Variants in MROH2A observed in about 807,000 individuals in gnomAD.
MROH2A encodes the protein maestro heat-like repeat-containing protein family member 2A.
Under a neutral mutation model 200.4 loss-of-function variants are expected in MROH2A, and 174 were observed. The observed-to-expected ratio is 0.87, with a 90% CI of 0.77 to 0.98. The LOEUF is 0.98. Ranked by LOEUF, MROH2A falls within the 50% of genes least tolerant of loss-of-function variation. The pLI, the probability that MROH2A is intolerant of heterozygous loss-of-function variation, is 0.00. For synonymous variants in MROH2A, 829 were observed against 840.4 expected (o/e 0.99, Z 0.23); for missense variants, 2,045 against 2,139.6 (o/e 0.96, Z 0.87).
At chr2:233,808,098 C>A (rs1385656298) in intron 21 of MROH2A, among the ~76,000 whole-genome samples, 1 of 152,144 alleles carries the variant, frequency 6.6e-6, no homozygotes, top group Non-Finnish European at 1.5e-5. Context: ...AGTCCCAGCC[C>A]CTTGCTACTC....
chr2:233,786,125 A>G (rs571357927), intron 3 of MROH2A, among the ~76,000 whole-genome samples: 2 of 152,072 alleles, frequency 1.3e-5, no homozygotes, highest in Admixed American at 6.6e-5. Context: ...CTTGGCTCTC[A>G]TTCTCTCTTG....
upstream of MROH2A, among the ~76,000 whole-genome samples, chr2:233,776,654 G>A (rs1252915639): frequency 3.3e-5 from 5 of 152,278 alleles, no homozygotes; most frequent in African/African-American, 1.2e-4. Flanking sequence ...TAGATAACAT[G>A]CTCAGGGGCC....
At position 233,831,180 on chromosome 2, in the gene MROH2A, G is replaced by A. The variant is rs530423925; in HGVS notation, c.4603-229G>A. Among the ~76,000 whole-genome samples the A allele has an allele frequency of 3.3e-5, 5 of 152,368 alleles. No individual in the cohort carries two copies. In the East Asian group the frequency reaches 7.7e-4, roughly 24 times the overall value. ...GCACGAAGGTGCTGGCTGAGGGGGC[G>A]GGTGGGGCTGCATCTGCCCCCAAGG... On this transcript the variant is annotated intron_variant, in intron 38 of 41. Coordinates refer to ENST00000389758, the MANE Select transcript of MROH2A (RefSeq NM_001394639.1).
Position 233,799,859 on chromosome 2 carries a change from A to T in MROH2A, c.1409A>T (p.Lys470Met). The T allele has an allele frequency of 6.4e-7, 1 of 1,550,520 alleles. No homozygotes were observed. The highest frequency in any genetic ancestry group is 1.2e-5 in the South Asian group (1 of 84,056). Residue 470 changes from lysine (K) to methionine (M), a missense_variant, in exon 13 of 42, where the codon AAG becomes ATG. This residue lies in a region of MROH2A where 831 missense variants were observed against 800.0 expected (regional missense o/e 1.04). Transcript: ENST00000389758. ...GAGAGAATCAAAGGCTGGGGCCTGAAGTACCTGTCTGTGCAGCTGACCTTA... is the reference window on the plus strand; with the variant it reads ...GAGAGAATCAAAGGCTGGGGCCTGATGTACCTGTCTGTGCAGCTGACCTTA... ...YQERIKGWGLKYLSVQLTLST... is the reference protein window; with the variant it reads ...YQERIKGWGLMYLSVQLTLST...
Position 233,811,613 on chromosome 2 carries a change from T to C in MROH2A, c.2572-267T>C, listed in dbSNP as rs1703159472. Among the ~76,000 whole-genome samples the C allele has an allele frequency of 3.9e-5, 6 of 152,252 alleles. No homozygotes were observed. The South Asian group carries it at 1.2e-3, about 31-fold the overall frequency. ...GGTCTTGTTTTACAGAGAAGGGGAC[T>C]TGGGCTCAGGCAGAGGAAGTGCTGG... On this transcript the variant is annotated intron_variant, in intron 23 of 41. Transcript: ENST00000389758.
chr2:233,779,815 T>C lies in MROH2A; in HGVS notation c.239T>C (p.Val80Ala), dbSNP rs1365442098. Residue 80 changes from valine to alanine, a missense_variant, in exon 3 of 42, where the codon GTG becomes GCG. By Grantham distance (64) the Val-to-Ala change is moderately conservative. Transcript: ENST00000389758. Reference sequence around the variant, plus strand: ...AAGGCCACCACTGAGCCTTCTGTAGTGATAAACACTCTCATCCGCTGCCTG... The same window carrying C: ...AAGGCCACCACTGAGCCTTCTGTAGCGATAAACACTCTCATCCGCTGCCTG... ...MEKATTEPSV[V>A]INTLIRCLQV... The C allele has an allele frequency of 6.4e-7, 1 of 1,550,562 alleles. No individual in the cohort carries two copies. The highest frequency in any genetic ancestry group is 8.7e-7 in the Non-Finnish European group (1 of 1,146,974).
intron 1 of MROH2A, 131 bp downstream of exon 1, chr2:233,778,612 G>A (rs547138850): frequency 6.3e-6 from 1 of 159,678 alleles, no homozygotes; most frequent in Non-Finnish European, 1.5e-5. Context: ...GGATCTGAGA[G>A]CCTTTCTTCC....
chr2:233,787,446 T>C (rs1341270883), intron 3 of MROH2A, among the ~76,000 whole-genome samples: 2 of 130,138 alleles, frequency 1.5e-5, no homozygotes, highest in African/African-American at 3.0e-5. Flanking sequence ...TATATACATA[T>C]ACATATATAT....
intron 23 of MROH2A, among the ~76,000 whole-genome samples, chr2:233,811,320 A>G (rs1238405896): frequency 6.6e-6 from 1 of 152,228 alleles, no homozygotes; most frequent in Non-Finnish European, 1.5e-5. Context: ...GATGTAAGAC[A>G]AAGAAAACGT....
intron 26 of MROH2A, among the ~76,000 whole-genome samples, chr2:233,815,563 G>A (rs752690122): frequency 2.0e-5 from 3 of 152,096 alleles, no homozygotes; most frequent in Admixed American, 6.6e-5. Flanking sequence ...GTTAATTTTT[G>A]TATGGTCTGA....
chr2:233,798,879 G>A (rs1292848338), intron 12 of MROH2A, 29 bp downstream of exon 12: 1 of 1,523,898 alleles, frequency 6.6e-7, no homozygotes, highest in Non-Finnish European at 8.9e-7. Context: ...GGAAATGGGG[G>A]GCACTCAGGG....
intron 41 of MROH2A, 122 bp downstream of exon 41, chr2:233,832,766 G>GGGGGGGGGGGC: frequency 3.6e-5 from 17 of 478,842 alleles, no homozygotes; most frequent in Non-Finnish European, 5.1e-5. Flanking sequence ...GGGGGGGTGG[G>GGGGGGGGGGGC]AGTGCAACCA....
chr2:233,801,079 G>C (rs140067007), intron 14 of MROH2A, among the ~76,000 whole-genome samples: 1 of 152,336 alleles, frequency 6.6e-6, no homozygotes, highest in East Asian at 1.9e-4. Flanking sequence ...CCTGCATAGA[G>C]GGTAGTTATT....
At chr2:233,800,040 C>T (rs1702359151) in intron 13 of MROH2A, 141 bp downstream of exon 13, 1 of 1,236,820 alleles carries the variant, frequency 8.1e-7, no homozygotes, top group African/African-American at 1.5e-5. Context: ...ACACAGTGAA[C>T]CTGCAGGTGA....
chr2:233,825,444 T>C (rs1416928524), intron 35 of MROH2A, among the ~76,000 whole-genome samples: 1 of 152,188 alleles, frequency 6.6e-6, no homozygotes, highest in Non-Finnish European at 1.5e-5. Context: ...TTCAGTATGA[T>C]ATTGGTTGTG....
intron 12 of MROH2A, 90 bp from the exon 13 acceptor site, chr2:233,799,690 C>T: frequency 6.7e-7 from 1 of 1,493,222 alleles, no homozygotes; most frequent in South Asian, 1.3e-5. Context: ...TAGCCCAGAG[C>T]ACCCCCAATT....
Position 233,803,449 on chromosome 2 carries a change from G to A in MROH2A, c.1710G>A (p.Val570=), listed in dbSNP as rs1328834805. The A allele has an allele frequency of 3.2e-6, 5 of 1,550,500 alleles. No homozygotes were observed. Among genetic ancestry groups the A allele is most frequent in the Non-Finnish European group, 4.4e-6 (5 of 1,146,964 alleles). The change falls in exon 16 of 42, where the codon GTG becomes GTA. Residue 570 remains valine (V), a splice_region_variant and synonymous_variant. Transcript: ENST00000389758. Reference sequence around the variant, plus strand: ...TGGGGTTGCATTTCCTTCAATCAGTGGACCTGCCTGCACCTCAGAAGCTGC... The same window carrying A: ...TGGGGTTGCATTTCCTTCAATCAGTAGACCTGCCTGCACCTCAGAAGCTGC... ...DVSVAGKSRQ[V]DLPAPQKLLA...
chr2:233,807,893 T>C lies in MROH2A; in HGVS notation c.2295+38T>C. 6.4e-7 allele frequency: 1 copy of C among 1,550,762 alleles called. No individual in the cohort carries two copies. Among genetic ancestry groups the C allele is most frequent in the Non-Finnish European group, 8.7e-7 (1 of 1,146,932 alleles). On this transcript the variant is annotated intron_variant, in intron 21 of 41. Transcript: ENST00000389758. The surrounding 1 kb of genome is among the most constrained non-coding windows in gnomAD (Gnocchi z 4.3). ...CCCTCCACAACTGGGTCTTGGGATC[T>C]CTTAGCACAGTGCTCTGGGCACTGA... is the stretch of plus-strand genomic sequence containing the variant.
In MROH2A at chr2:233,822,537, G is replaced by A. The variant is rs1455978481; in HGVS notation, c.3847G>A (p.Glu1283Lys). 6.5e-7 allele frequency: 1 copy of A among 1,550,044 alleles called. No homozygotes were observed. The highest frequency in any genetic ancestry group is 1.4e-5 in the African/African-American group (1 of 73,184). ...WKLVHTTPLP[E>K]EMNLQRVTIK... ...GCTGGTCCACACCACTCCTCTGCCGGAGGAGATGAACCTGCAAAGGTGCTC... is the reference window on the plus strand; with the variant it reads ...GCTGGTCCACACCACTCCTCTGCCGAAGGAGATGAACCTGCAAAGGTGCTC... The change falls in exon 33 of 42, where the codon GAG (glutamate) becomes AAG (lysine). Residue 1283 changes from glutamate (E) to lysine (K), a missense_variant. Coordinates refer to ENST00000389758, the MANE Select transcript of MROH2A (RefSeq NM_001394639.1).
Sources: allele counts gnomAD v4.1 joint callset (sites outside exome capture counted in the v4.1 genomes callset), GRCh38; gene constraint gnomAD v4.1.1; regional missense constraint gnomAD v4.1.1; non-coding constraint Gnocchi (gnomAD v3.1); transcripts MANE v1.5; gene names NCBI Gene and HGNC (gene_info 2026-07-23, HGNC 2026-07-21).